The following ULK4 variants were observed in gnomAD, a reference collection of about 807,000 sequenced individuals.
ULK4 encodes inactive serine/threonine-protein kinase ULK4.
In ULK4, 133 loss-of-function variants were observed where a neutral mutation model predicts 160.6. The observed-to-expected ratio is 0.83, with a 90% CI of 0.72 to 0.96. The LOEUF (loss-of-function observed/expected upper bound fraction) is 0.96, where lower values mean the gene tolerates loss of function less well. Among genes scored for constraint, ULK4 ranks in the 40% least tolerant of loss-of-function variants. ULK4 has a pLI of 0.00. For missense variants in ULK4, 1,580 were observed against 1,499.5 expected, an observed-to-expected ratio of 1.05 and a Z score of -0.89; for synonymous variants, 534 against 539.8, an observed-to-expected ratio of 0.99 and a Z score of 0.15.
chr3:41,576,174 G>A (rs999919347), intron 31 of ULK4, among the ~76,000 whole-genome samples: 7 of 152,130 alleles, frequency 4.6e-5, no homozygotes, highest in South Asian at 2.1e-4. Flanking sequence ...TGCCACTGTC[G>A]AAAAGTAAAA....
At chr3:41,707,649 T>A (rs576126703) in intron 25 of ULK4, among the ~76,000 whole-genome samples, 1 of 151,954 alleles carries the variant, frequency 6.6e-6, no homozygotes, top group East Asian at 1.9e-4. Context: ...TTGGGCAACA[T>A]AGCAAGACTG....
At chr3:41,269,386 A>G (rs1028552515) in intron 35 of ULK4, among the ~76,000 whole-genome samples, 1 of 151,992 alleles carries the variant, frequency 6.6e-6, no homozygotes, top group African/African-American at 2.4e-5. Context: ...CCTATGGTAG[A>G]TAAATGAGCT....
chr3:41,267,939 G>A (rs899633975), intron 35 of ULK4, among the ~76,000 whole-genome samples: 4 of 152,190 alleles, frequency 2.6e-5, no homozygotes, highest in African/African-American at 9.7e-5. Context: ...TGAAATAGGA[G>A]TCCAACTGTA....
At position 41,547,778 on chromosome 3, in the gene ULK4, G is replaced by A. The variant is rs773513012; in HGVS notation, c.3226+18247C>T. On this transcript the variant is annotated intron_variant, in intron 32 of 36. Coordinates refer to ENST00000301831, the MANE Select transcript of ULK4 (RefSeq NM_017886.4). ...TCCCTCAGTATCCATCCAGAGGGTT[G>A]CAGCAATGCAATGCCAGCTGGAACC... Among the ~76,000 whole-genome samples, 9 of 152,310 alleles carry A rather than the reference G, an allele frequency of 5.9e-5. No individual in the cohort carries two copies. The East Asian group carries it at 1.4e-3, about 23-fold the overall frequency.
chr3:41,375,073 C>A (rs1252315796), intron 35 of ULK4, among the ~76,000 whole-genome samples: 1 of 152,114 alleles, frequency 6.6e-6, no homozygotes. Flanking sequence ...ATACAATTTA[C>A]AAGGGATGTG....
At chr3:41,625,487 G>A (rs755750040) in intron 30 of ULK4, among the ~76,000 whole-genome samples, 2 of 152,104 alleles carry the variant, frequency 1.3e-5, no homozygotes, top group East Asian at 1.9e-4. Flanking sequence ...TCTACTCAGC[G>A]CACCCTTCAT....
intron 34 of ULK4, among the ~76,000 whole-genome samples, chr3:41,443,406 T>C (rs1389856372): frequency 2.0e-5 from 3 of 152,236 alleles, no homozygotes; most frequent in Non-Finnish European, 4.4e-5. Flanking sequence ...CCCAACTATA[T>C]GCTTTGCTGC....
chr3:41,362,547 G>C (rs2125773735), intron 35 of ULK4, among the ~76,000 whole-genome samples: 1 of 152,204 alleles, frequency 6.6e-6, no homozygotes, highest in East Asian at 1.9e-4. Context: ...AAAATATCTA[G>C]CTTCAAATCC....
intron 35 of ULK4, among the ~76,000 whole-genome samples, chr3:41,359,422 C>T (rs970667038): frequency 2.6e-4 from 40 of 152,218 alleles, no homozygotes; most frequent in African/African-American, 9.6e-4. Flanking sequence ...GGCACTGCAA[C>T]GTTTAGAGAC....
At chr3:41,431,841 G>C (rs2082918930) in intron 34 of ULK4, among the ~76,000 whole-genome samples, 1 of 145,702 alleles carries the variant, frequency 6.9e-6, no homozygotes, top group Admixed American at 6.9e-5. Context: ...CCAGGCTGGA[G>C]TGCAGTGGCG....
intron 35 of ULK4, among the ~76,000 whole-genome samples, chr3:41,392,187 C>A (rs1310825402): frequency 2.0e-5 from 3 of 152,074 alleles, no homozygotes; most frequent in Admixed American, 2.0e-4. Context: ...ATTTCCATCA[C>A]ATTTTTAAAG....
intron 18 of ULK4, among the ~76,000 whole-genome samples, chr3:41,824,369 T>C (rs979537251): frequency 2.9e-4 from 44 of 151,924 alleles, no homozygotes; most frequent in South Asian, 6.2e-4. Flanking sequence ...GGGTGAGGCA[T>C]TGCCTCACCG....
intron 35 of ULK4, among the ~76,000 whole-genome samples, chr3:41,396,363 A>C (rs1241669882): frequency 6.6e-6 from 1 of 151,950 alleles, no homozygotes; most frequent in African/African-American, 2.4e-5. Context: ...CCTGAGTTTC[A>C]AAGAGACTGT....
In ULK4 at chr3:41,528,142, T is replaced by C. The variant is rs1354087484; in HGVS notation, c.3226+37883A>G. Among the ~76,000 whole-genome samples the C allele has an allele frequency of 5.3e-5, 8 of 152,164 alleles. 1 individual carries two copies. The South Asian group carries it at 1.2e-3, about 24-fold the overall frequency. On this transcript the variant is annotated intron_variant, in intron 32 of 36. Coordinates refer to ENST00000301831, the MANE Select transcript of ULK4 (RefSeq NM_017886.4). ...TTTTATGGAAGAAAAATTCAAATAG[T>C]ATACTCCCTCATCGAGCAGGACACA... is the stretch of plus-strand genomic sequence containing the variant.
At chr3:41,798,478 A>T (rs1429065946) in intron 20 of ULK4, among the ~76,000 whole-genome samples, 1 of 152,190 alleles carries the variant, frequency 6.6e-6, no homozygotes, top group Non-Finnish European at 1.5e-5. Flanking sequence ...TCCTTTCTTA[A>T]TGATAATCAG....
intron 25 of ULK4, among the ~76,000 whole-genome samples, chr3:41,714,534 T>C (rs1435695988): frequency 6.6e-6 from 1 of 152,142 alleles, no homozygotes. Context: ...TGTATTTCCC[T>C]CCTCATTTTA....
intron 20 of ULK4, among the ~76,000 whole-genome samples, chr3:41,790,487 G>A (rs2040118536): frequency 6.6e-6 from 1 of 152,180 alleles, no homozygotes; most frequent in South Asian, 2.1e-4. Flanking sequence ...TGTTGGAATA[G>A]AAGTGGGCTC....
At chr3:41,648,101 C>G (rs2034590208) in intron 30 of ULK4, among the ~76,000 whole-genome samples, 1 of 152,206 alleles carries the variant, frequency 6.6e-6, no homozygotes, top group South Asian at 2.1e-4. Context: ...CCGTCTGTCA[C>G]CCCTTTCTTT....
chr3:41,922,561 T>C (rs1466509774), intron 5 of ULK4, among the ~76,000 whole-genome samples: 1 of 136,780 alleles, frequency 7.3e-6, no homozygotes, highest in African/African-American at 2.8e-5. Flanking sequence ...GTGCAGGAAA[T>C]CGTGAAGACA....
Sources: gnomAD v4.1 joint callset for allele counts (sites outside exome capture counted in the v4.1 genomes callset) on GRCh38, gnomAD v4.1.1 for gene constraint, MANE v1.5 for transcripts, NCBI Gene and HGNC (gene_info 2026-07-23, HGNC 2026-07-21) for gene names.